Variants in DPF3 observed in about 807,000 individuals in gnomAD.
DPF3 encodes zinc finger protein DPF3.
A neutral mutation model predicts 56.8 loss-of-function variants in DPF3; 18 were observed. The ratio of observed to expected loss-of-function variants is 0.32; its 90% confidence interval spans 0.22 to 0.47. The LOEUF (loss-of-function observed/expected upper bound fraction) is 0.47, where lower values mean the gene tolerates loss of function less well. Ranked by LOEUF, DPF3 falls within the 20% of genes least tolerant of loss-of-function variation. The pLI, the probability that DPF3 is intolerant of heterozygous loss-of-function variation, is 1.00. For synonymous variants in DPF3, 188 were observed against 180.2 expected (o/e 1.04, Z -0.35); for missense variants, 403 against 488.8 (o/e 0.82, Z 1.65).
chr14:72,757,285 C>T (rs997648629), intron 2 of DPF3, among the ~76,000 whole-genome samples: 1 of 152,194 alleles, frequency 6.6e-6, no homozygotes, highest in African/African-American at 2.4e-5. Flanking sequence ...ACAGCTGCCC[C>T]TGAAACTTCC....
At chr14:72,660,139 A>G (rs777372011) in intron 8 of DPF3, among the ~76,000 whole-genome samples, 3 of 152,150 alleles carry the variant, frequency 2.0e-5, no homozygotes, top group Non-Finnish European at 4.4e-5. Context: ...TGGTTGCACG[A>G]CAATGTAAAT....
At chr14:72,751,305 G>A (rs1416746635) in intron 3 of DPF3, among the ~76,000 whole-genome samples, 2 of 152,082 alleles carry the variant, frequency 1.3e-5, no homozygotes, top group African/African-American at 4.8e-5. Flanking sequence ...GGCTTTTTTG[G>A]TACTTATGGT....
chr14:72,683,329 A>AG (rs1477369905), intron 7 of DPF3, among the ~76,000 whole-genome samples: 1 of 140,838 alleles, frequency 7.1e-6, no homozygotes, highest in Admixed American at 6.8e-5. Flanking sequence ...CCCATCTCAA[A>AG]AAAAAAAAAA....
intron 6 of DPF3, among the ~76,000 whole-genome samples, chr14:72,703,797 A>G (rs968486149): frequency 6.6e-6 from 1 of 152,200 alleles, no homozygotes; most frequent in African/African-American, 2.4e-5. Flanking sequence ...GCACATGTTC[A>G]ACAAACATCA....
chr14:72,797,184 G>C (rs1321089691), intron 1 of DPF3, among the ~76,000 whole-genome samples: 1 of 152,110 alleles, frequency 6.6e-6, no homozygotes, highest in East Asian at 1.9e-4. Context: ...GAATACGCTT[G>C]GGCTAGCCTG....
intron 7 of DPF3, among the ~76,000 whole-genome samples, chr14:72,692,124 C>T (rs572469094): frequency 3.9e-5 from 6 of 152,188 alleles, no homozygotes; most frequent in Non-Finnish European, 7.3e-5. Context: ...TTGGCTAACA[C>T]GCATCCTCTA....
intron 3 of DPF3, among the ~76,000 whole-genome samples, chr14:72,750,342 G>C (rs541010123): frequency 2.1e-4 from 32 of 152,254 alleles, no homozygotes; most frequent in South Asian, 6.2e-4. Context: ...ATCGTATAGT[G>C]CTAAAAGTCT....
intron 1 of DPF3, among the ~76,000 whole-genome samples, chr14:72,890,165 G>A (rs946795623): frequency 6.6e-6 from 1 of 152,088 alleles, no homozygotes; most frequent in African/African-American, 2.4e-5. Flanking sequence ...TGGTTTATCT[G>A]AACTAGAATA....
intron 7 of DPF3, among the ~76,000 whole-genome samples, chr14:72,685,828 G>T (rs1037976562): frequency 1.3e-5 from 2 of 152,216 alleles, no homozygotes; most frequent in Non-Finnish European, 2.9e-5. Context: ...GGCCCAAAAT[G>T]CGAGAGAAAT....
At chr14:72,777,622 G>A (rs1287601183) in intron 1 of DPF3, among the ~76,000 whole-genome samples, 1 of 152,150 alleles carries the variant, frequency 6.6e-6, no homozygotes. Context: ...GGGCCTAGTG[G>A]GAGGTGTTTA....
intron 1 of DPF3, among the ~76,000 whole-genome samples, chr14:72,847,417 T>A (rs1884802981): frequency 6.6e-6 from 1 of 152,240 alleles, no homozygotes; most frequent in Non-Finnish European, 1.5e-5. Context: ...TACCTCACTA[T>A]ATTATAAGCC....
chr14:72,867,190 A>G (rs1442396408), intron 1 of DPF3, among the ~76,000 whole-genome samples: 1 of 152,112 alleles, frequency 6.6e-6, no homozygotes, highest in Non-Finnish European at 1.5e-5. Flanking sequence ...ACAGCTTTTT[A>G]TAGGAGTTCT....
chr14:72,879,028 C>T (rs1263154810), intron 1 of DPF3, among the ~76,000 whole-genome samples: 7 of 152,204 alleles, frequency 4.6e-5, no homozygotes, highest in Admixed American at 6.5e-5. Context: ...CTGCAGGCTT[C>T]GCTCACTCAA....
intron 1 of DPF3, among the ~76,000 whole-genome samples, chr14:72,786,853 G>A (rs1287164970): frequency 1.3e-5 from 2 of 152,176 alleles, no homozygotes; most frequent in Non-Finnish European, 1.5e-5. Context: ...CTGAAAATTC[G>A]TTTGTTTGCT....
At chr14:72,805,305 T>TA (rs2140008355) in intron 1 of DPF3, among the ~76,000 whole-genome samples, 1 of 151,646 alleles carries the variant, frequency 6.6e-6, no homozygotes, top group East Asian at 2.0e-4. Context: ...ACCCTGTCTC[T>TA]ACTAAAAATA....
chr14:72,759,693 AG>A (rs1890989771), intron 2 of DPF3, among the ~76,000 whole-genome samples: 1 of 152,222 alleles, frequency 6.6e-6, no homozygotes, highest in Non-Finnish European at 1.5e-5. Flanking sequence ...CAATAAAGCT[AG>A]GTACAATAAA....
intron 3 of DPF3, among the ~76,000 whole-genome samples, chr14:72,741,573 C>T (rs1011065064): frequency 1.3e-5 from 2 of 152,252 alleles, no homozygotes; most frequent in African/African-American, 4.8e-5. Flanking sequence ...TCCTCTCTGG[C>T]GGAGCCTCCC....
intron 8 of DPF3, among the ~76,000 whole-genome samples, chr14:72,663,121 G>T (rs371012328): frequency 7.5e-6 from 1 of 133,502 alleles, no homozygotes; most frequent in East Asian, 2.8e-4. Context: ...AACACAGCTG[G>T]ATGGTCAATT....
At chr14:72,680,509 AG>A (rs1887116900) in intron 7 of DPF3, among the ~76,000 whole-genome samples, 1 of 152,266 alleles carries the variant, frequency 6.6e-6, no homozygotes. Flanking sequence ...TCGACGGCAG[AG>A]AACTCGCTCT....
Sources: allele counts gnomAD v4.1 joint callset (sites outside exome capture counted in the v4.1 genomes callset), GRCh38; gene constraint gnomAD v4.1.1; transcripts MANE v1.5; gene names NCBI Gene and HGNC (gene_info 2026-07-23, HGNC 2026-07-21).